Variants in PARD3 observed in about 807,000 individuals in gnomAD.
PARD3 encodes partitioning defective 3 homolog.
PARD3 carries 75 observed loss-of-function variants against 155.4 expected under a neutral mutation model. The observed-to-expected ratio is 0.48, with a 90% CI of 0.40 to 0.58. PARD3 has a LOEUF of 0.58. Ranked by LOEUF, PARD3 falls within the 20% of genes least tolerant of loss-of-function variation. The pLI, the probability that PARD3 is intolerant of heterozygous loss-of-function variation, is 0.00. For synonymous variants in PARD3, 576 were observed against 610.5 expected (o/e 0.94, Z 0.83); for missense variants, 1,642 against 1,721.7 (o/e 0.95, Z 0.82).
intron 2 of PARD3, among the ~76,000 whole-genome samples, chr10:34,654,284 G>C (rs930173053): frequency 3.9e-5 from 6 of 152,066 alleles, no homozygotes; most frequent in Admixed American, 2.0e-4. Context: ...ACATGTATAA[G>C]GTGATATCAT....
At chr10:34,701,801 C>A (rs2094284809) in intron 1 of PARD3, among the ~76,000 whole-genome samples, 1 of 152,100 alleles carries the variant, frequency 6.6e-6, no homozygotes, top group Admixed American at 6.5e-5. Context: ...ACTTGGGAGG[C>A]TAAGGTGGAG....
chr10:34,212,097 T>C (rs942241968), intron 22 of PARD3, among the ~76,000 whole-genome samples: 3 of 151,884 alleles, frequency 2.0e-5, no homozygotes, highest in African/African-American at 7.3e-5. Flanking sequence ...TCTCCTCCCA[T>C]TCTTGCATCT....
At chr10:34,289,461 A>G (rs1204680346) in intron 20 of PARD3, among the ~76,000 whole-genome samples, 1 of 152,152 alleles carries the variant, frequency 6.6e-6, no homozygotes, top group Non-Finnish European at 1.5e-5. Flanking sequence ...AAGTGCTGGG[A>G]CTACAGGCGT....
chr10:34,748,735 CTTCA>C (rs1203182251), intron 1 of PARD3, among the ~76,000 whole-genome samples: 1 of 152,196 alleles, frequency 6.6e-6, no homozygotes, highest in Non-Finnish European at 1.5e-5. Flanking sequence ...AGTGAAGTGG[CTTCA>C]TTCATGAAGA....
intron 2 of PARD3, among the ~76,000 whole-genome samples, chr10:34,532,957 T>C (rs1392877599): frequency 1.3e-5 from 2 of 152,188 alleles, no homozygotes; most frequent in Non-Finnish European, 2.9e-5. Context: ...ATTACACACC[T>C]AAGCTATTAT....
At chr10:34,418,980 A>G (rs1400659254) in intron 5 of PARD3, among the ~76,000 whole-genome samples, 2 of 151,988 alleles carry the variant, frequency 1.3e-5, no homozygotes, top group African/African-American at 2.4e-5. Flanking sequence ...TATGCTGCCC[A>G]GCCCAGGCAG....
intron 20 of PARD3, among the ~76,000 whole-genome samples, chr10:34,298,566 AGTG>A (rs1957015995): frequency 6.6e-6 from 1 of 152,158 alleles, no homozygotes; most frequent in Non-Finnish European, 1.5e-5. Context: ...CAGAAAGTAA[AGTG>A]GTGGTTTCCA....
chr10:34,235,921 G>A (rs1378385262), intron 22 of PARD3, among the ~76,000 whole-genome samples: 1 of 152,050 alleles, frequency 6.6e-6, no homozygotes, highest in Non-Finnish European at 1.5e-5. Context: ...AACCATATAA[G>A]TATATTCAAA....
chr10:34,605,839 CTATATATATATATCTCCTA>C, intron 2 of PARD3, among the ~76,000 whole-genome samples: 1 of 7,454 alleles, frequency 1.3e-4, no homozygotes, highest in Non-Finnish European at 2.1e-4. Context: ...TATATATCTC[CTATATATATATATCTCCTA>C]TATATATATC....
chr10:34,130,003 C>T (rs909715005), intron 23 of PARD3, among the ~76,000 whole-genome samples: 1 of 151,882 alleles, frequency 6.6e-6, no homozygotes, highest in African/African-American at 2.4e-5. Flanking sequence ...TCCTTCTGTC[C>T]TACTCTTCCA....
At chr10:34,127,116 CCATT>C (rs1328661702) in intron 23 of PARD3, among the ~76,000 whole-genome samples, 2 of 152,072 alleles carry the variant, frequency 1.3e-5, no homozygotes, top group Admixed American at 6.6e-5. Flanking sequence ...TTCACTGTTC[CCATT>C]CAAAGTTAAA....
Position 34,649,645 on chromosome 10 carries a change from G to A in PARD3, c.222+46673C>T, listed in dbSNP as rs112175870. On this transcript the variant is annotated intron_variant, in intron 2 of 24. Transcript: ENST00000374788. ...GAGTGAGTGTCGAGGCCAAAGGCAT[G>A]AGTGTACACCACTGTAAACTTTAGA... Among the ~76,000 whole-genome samples, 27 of 152,362 alleles carry A rather than the reference G, an allele frequency of 1.8e-4. No homozygotes were observed. The South Asian group carries it at 5.6e-3, about 32-fold the overall frequency.
intron 22 of PARD3, among the ~76,000 whole-genome samples, chr10:34,157,402 G>A (rs894586476): frequency 9.9e-5 from 15 of 152,128 alleles, no homozygotes; most frequent in African/African-American, 3.1e-4. Flanking sequence ...TGTTTCCTTA[G>A]CCCTGATGCC....
intron 2 of PARD3, among the ~76,000 whole-genome samples, chr10:34,569,652 C>T (rs1160195297): frequency 2.0e-5 from 3 of 152,054 alleles, no homozygotes; most frequent in Admixed American, 1.3e-4. Flanking sequence ...CTCCTGATCT[C>T]GTGATCCGCC....
intron 1 of PARD3, among the ~76,000 whole-genome samples, chr10:34,749,483 A>T (rs1465098694): frequency 1.3e-5 from 2 of 151,414 alleles, no homozygotes; most frequent in Non-Finnish European, 2.9e-5. Context: ...TAATAAAATA[A>T]TAAACTATAT....
chr10:34,228,193 A>C (rs1952724929), intron 22 of PARD3, among the ~76,000 whole-genome samples: 1 of 151,922 alleles, frequency 6.6e-6, no homozygotes, highest in Admixed American at 6.6e-5. Flanking sequence ...CTCAATTATA[A>C]GTGGGAGCTA....
intron 2 of PARD3, among the ~76,000 whole-genome samples, chr10:34,588,628 G>A (rs531229480): frequency 1.3e-5 from 2 of 152,210 alleles, no homozygotes; most frequent in South Asian, 4.1e-4. Flanking sequence ...TTTTAAACAT[G>A]GGCTGCCCGA....
intron 2 of PARD3, among the ~76,000 whole-genome samples, chr10:34,652,329 G>A (rs1008347035): frequency 3.9e-5 from 6 of 152,234 alleles, no homozygotes; most frequent in African/African-American, 1.2e-4. Flanking sequence ...GAGGCTATTG[G>A]CTGAGATGAA....
At chr10:34,126,988 AT>A (rs1471730040) in intron 23 of PARD3, among the ~76,000 whole-genome samples, 2 of 152,082 alleles carry the variant, frequency 1.3e-5, no homozygotes, top group Non-Finnish European at 2.9e-5. Context: ...TTGATATATA[AT>A]AATGTGGTCC....
Sources: allele counts gnomAD v4.1 joint callset (sites outside exome capture counted in the v4.1 genomes callset), GRCh38; gene constraint gnomAD v4.1.1; transcripts MANE v1.5; gene names NCBI Gene and HGNC (gene_info 2026-07-23, HGNC 2026-07-21).